Variants in SLC25A26 observed in about 807,000 individuals in gnomAD.
The protein encoded by SLC25A26 is mitochondrial S-adenosylmethionine carrier protein.
A neutral mutation model predicts 37.8 loss-of-function variants in SLC25A26; 36 were observed. The observed-to-expected ratio is 0.95, with a 90% CI of 0.73 to 1.26. SLC25A26 has a LOEUF of 1.26. SLC25A26 is among the 50% of genes most tolerant of loss of function. The pLI is 0.00. For synonymous variants in SLC25A26, 129 were observed against 122.5 expected (o/e 1.05, Z -0.35); for missense variants, 390 against 331.1 (o/e 1.18, Z -1.38).
At chr3:66,304,093 C>G (rs563106420) in intron 5 of SLC25A26, among the ~76,000 whole-genome samples, 1 of 152,216 alleles carries the variant, frequency 6.6e-6, no homozygotes, top group Non-Finnish European at 1.5e-5. Context: ...AAGAACTCAC[C>G]TTTGAAGTCA....
chr3:66,168,039 G>A (rs2070447763), intron 1 of SLC25A26, among the ~76,000 whole-genome samples: 1 of 151,774 alleles, frequency 6.6e-6, no homozygotes, highest in South Asian at 2.1e-4. Flanking sequence ...TGTAATCCCA[G>A]CTACTCATGA....
At chr3:66,204,443 A>AAAAAAAAAG (rs2071151083) in intron 1 of SLC25A26, among the ~76,000 whole-genome samples, 2 of 147,990 alleles carry the variant, frequency 1.4e-5, no homozygotes, top group Admixed American at 6.7e-5. Flanking sequence ...AAAAAAAGAA[A>AAAAAAAAAG]AAAAGAAAAA....
chr3:66,225,558 C>T (rs1419975596), intron 1 of SLC25A26, among the ~76,000 whole-genome samples: 2 of 152,144 alleles, frequency 1.3e-5, no homozygotes, highest in Non-Finnish European at 2.9e-5. Context: ...TCTGACATGC[C>T]CTGAAGACAT....
chr3:66,308,881 A>C (rs924583254), intron 5 of SLC25A26, among the ~76,000 whole-genome samples: 1 of 151,090 alleles, frequency 6.6e-6, no homozygotes, highest in African/African-American at 2.5e-5. Context: ...CCCAGGGATG[A>C]AGCCTGCTTG....
At chr3:66,369,212 T>G (rs964792700) in intron 7 of SLC25A26, among the ~76,000 whole-genome samples, 5 of 152,232 alleles carry the variant, frequency 3.3e-5, no homozygotes, top group Non-Finnish European at 7.3e-5. Flanking sequence ...CTCATTAGTT[T>G]GCTAGTTAAT....
At chr3:66,203,135 C>T (rs1474582482) in intron 1 of SLC25A26, among the ~76,000 whole-genome samples, 2 of 152,074 alleles carry the variant, frequency 1.3e-5, no homozygotes, top group East Asian at 1.9e-4. Flanking sequence ...AATCCCAACA[C>T]TTTGGGAGGC....
At chr3:66,366,096 T>C (rs2076818818) in intron 7 of SLC25A26, among the ~76,000 whole-genome samples, 1 of 152,156 alleles carries the variant, frequency 6.6e-6, no homozygotes, top group Non-Finnish European at 1.5e-5. Flanking sequence ...AATTTTAGTT[T>C]CTCCTGAATC....
chr3:66,179,094 T>C (rs1311607179), intron 1 of SLC25A26, among the ~76,000 whole-genome samples: 1 of 152,198 alleles, frequency 6.6e-6, no homozygotes, highest in Non-Finnish European at 1.5e-5. Context: ...CATTAGCTTG[T>C]TTTAGTTGGG....
At chr3:66,371,165 A>T (rs908354085) in intron 9 of SLC25A26, 9 of 1,442,664 alleles carry the variant, frequency 6.2e-6, no homozygotes, top group Non-Finnish European at 6.4e-6. Flanking sequence ...GAATGTTGAG[A>T]TCTTACAGGC....
chr3:66,285,278 T>TA (rs1026499840), intron 5 of SLC25A26, among the ~76,000 whole-genome samples: 5 of 151,174 alleles, frequency 3.3e-5, no homozygotes, highest in African/African-American at 7.3e-5. Flanking sequence ...TTATTTTTTT[T>TA]AAAAAACCCT....
rs138109933 is a variant in SLC25A26 at position 66,307,288 on chromosome 3, C to A, written c.454-39076C>A. Among the ~76,000 whole-genome samples the A allele has an allele frequency of 5.0e-3, 764 of 152,254 alleles. 11 individuals carry two copies. Among genetic ancestry groups the A allele is most frequent in the African/African-American group, 0.014 (566 of 41,546 alleles). On this transcript the variant is annotated intron_variant, in intron 5 of 9. Coordinates refer to ENST00000354883, the MANE Select transcript of SLC25A26 (RefSeq NM_001379210.1). ...GAGCTTTTTTTCATTTGTTTGTTGG[C>A]CGCATAAATGTCTTCTTTTGAGAAG...
chr3:66,319,845 C>T (rs1199346195), intron 5 of SLC25A26, among the ~76,000 whole-genome samples: 1 of 144,178 alleles, frequency 6.9e-6, no homozygotes, highest in Non-Finnish European at 1.5e-5. Context: ...CCTCTACTTC[C>T]CAGGTTCAAA....
chr3:66,329,793 C>T (rs2075927822), intron 5 of SLC25A26, among the ~76,000 whole-genome samples: 1 of 152,112 alleles, frequency 6.6e-6, no homozygotes, highest in Non-Finnish European at 1.5e-5. Context: ...GAACTCCTGG[C>T]CTCAATCCAT....
intron 5 of SLC25A26, among the ~76,000 whole-genome samples, chr3:66,324,380 T>G (rs1337097692): frequency 6.6e-6 from 1 of 152,120 alleles, no homozygotes; most frequent in East Asian, 1.9e-4. Context: ...GTCTGAGTGA[T>G]ACCAGCTGGT....
At chr3:66,343,504 A>C (rs1349665910) in intron 5 of SLC25A26, among the ~76,000 whole-genome samples, 3 of 152,216 alleles carry the variant, frequency 2.0e-5, no homozygotes, top group Non-Finnish European at 4.4e-5. Flanking sequence ...GCCATTCCAA[A>C]TGTGTGATTT....
chr3:66,371,938 T>G (rs1252484464), intron 9 of SLC25A26, among the ~76,000 whole-genome samples: 1 of 151,886 alleles, frequency 6.6e-6, no homozygotes, highest in Non-Finnish European at 1.5e-5. Context: ...CTCTAAAAAA[T>G]AAATAAATAA....
chr3:66,296,341 G>T lies in SLC25A26; in HGVS notation c.453+32962G>T, dbSNP rs139190457. Among the ~76,000 whole-genome samples, 19 of 152,268 alleles carry T rather than the reference G, an allele frequency of 1.2e-4. No individual in the cohort carries two copies. The East Asian group carries it at 3.3e-3, about 26-fold the overall frequency. Reference sequence around the variant, plus strand: ...CAGATGCTTTTCCATGCATGGTTTAGAGTACATCAAACATGTTCAAAACTT... The same window carrying T: ...CAGATGCTTTTCCATGCATGGTTTATAGTACATCAAACATGTTCAAAACTT... On this transcript the variant is annotated intron_variant, in intron 5 of 9. Transcript: ENST00000354883.
At chr3:66,155,228 G>A (rs570292393) in intron 1 of SLC25A26, among the ~76,000 whole-genome samples, 113 of 152,314 alleles carry the variant, frequency 7.4e-4, no homozygotes, top group African/African-American at 2.6e-3. Context: ...TGAAATATGT[G>A]GCCGGGCGTG....
intron 1 of SLC25A26, among the ~76,000 whole-genome samples, chr3:66,138,051 C>G (rs965855926): frequency 6.6e-6 from 1 of 152,036 alleles, no homozygotes; most frequent in Non-Finnish European, 1.5e-5. Context: ...CCAGGTTGGT[C>G]TCGAACTCCT....
Sources: allele counts gnomAD v4.1 joint callset (sites outside exome capture counted in the v4.1 genomes callset), GRCh38; gene constraint gnomAD v4.1.1; transcripts MANE v1.5; gene names NCBI Gene and HGNC (gene_info 2026-07-23, HGNC 2026-07-21).